The following GLDN variants were observed in gnomAD, a reference collection of about 807,000 sequenced individuals.
GLDN encodes collomin.
GLDN carries 47 observed loss-of-function variants against 56.5 expected under a neutral mutation model. The observed-to-expected ratio is 0.83, with a 90% CI of 0.66 to 1.06. The LOEUF (loss-of-function observed/expected upper bound fraction) is 1.06. Ranked by LOEUF, GLDN falls within the 50% of genes least tolerant of loss-of-function variation. The pLI, the probability that GLDN is intolerant of heterozygous loss-of-function variation, is 0.00. For synonymous variants in GLDN, 332 were observed against 278.8 expected (o/e 1.19, Z -1.90); for missense variants, 782 against 714.3 (o/e 1.09, Z -1.08).
At chr15:51,391,295 G>A (rs988863557) in intron 4 of GLDN, among the ~76,000 whole-genome samples, 1 of 152,116 alleles carries the variant, frequency 6.6e-6, no homozygotes, top group South Asian at 2.1e-4. Flanking sequence ...TGGCCTTTCC[G>A]AGAAAGAAAA....
chr15:51,394,688 C>A, intron 4 of GLDN, 147 bp from the exon 5 acceptor site: 4 of 689,246 alleles, frequency 5.8e-6, no homozygotes, highest in Middle Eastern at 2.7e-4. Flanking sequence ...AACGTATGGT[C>A]ACACTGCTGC....
intron 1 of GLDN, 66 bp from the exon 2 acceptor site, chr15:51,377,383 T>C (rs753368303): frequency 1.5e-6 from 2 of 1,330,506 alleles, no homozygotes; most frequent in Admixed American, 3.8e-5. Flanking sequence ...TCTGCTCGTC[T>C]GAATAAAGGA....
intron 4 of GLDN, among the ~76,000 whole-genome samples, chr15:51,391,316 G>A (rs2038015671): frequency 6.6e-6 from 1 of 152,144 alleles, no homozygotes; most frequent in Non-Finnish European, 1.5e-5. Context: ...GACATAAGAG[G>A]AAGAAAGAAA....
At chr15:51,377,602 A>G (rs2037662708) in intron 2 of GLDN, 102 bp downstream of exon 2, 2 of 770,012 alleles carry the variant, frequency 2.6e-6, no homozygotes, top group Non-Finnish European at 4.2e-6. Flanking sequence ...ATAAAAATAC[A>G]TGTTGGTTTA....
At chr15:51,401,782 A>T (rs748371724) in intron 9 of GLDN, 39 bp downstream of exon 9, 1 of 1,595,626 alleles carries the variant, frequency 6.3e-7, no homozygotes, top group East Asian at 2.2e-5. Flanking sequence ...CCTCTCAGGC[A>T]GCACCTGTGC....
intron 1 of GLDN, chr15:51,367,472 C>T (rs996393547): frequency 6.6e-6 from 1 of 152,244 alleles, no homozygotes; most frequent in Admixed American, 6.5e-5. Context: ...CAAACCAACA[C>T]TTGGTAATTA....
In GLDN at chr15:51,404,763, A is replaced by G; in HGVS notation, c.*9A>G. On this transcript the variant is annotated 3_prime_UTR_variant, in exon 10 of 10. Transcript: ENST00000335449. ...CTACCTTAAATCAGTGATGTGCTGC[A>G]TTCGGCTCCCTTCAGCAAATTTCAG... 1.4e-6 allele frequency: 2 copies of G among 1,426,888 alleles called. No individual in the cohort carries two copies. The highest frequency in any genetic ancestry group is 2.0e-6 in the Non-Finnish European group (2 of 1,020,096). The allele number at this position is 1,426,888 out of a possible 1,614,324, so 88.4% of individuals were successfully genotyped here.
At chr15:51,357,575 C>A (rs1395140642) in intron 1 of GLDN, among the ~76,000 whole-genome samples, 1 of 152,196 alleles carries the variant, frequency 6.6e-6, no homozygotes, top group African/African-American at 2.4e-5. Context: ...CAGCCCTCTG[C>A]GCTGGGAGCA....
At chr15:51,343,501 G>A (rs76757571) in intron 1 of GLDN, among the ~76,000 whole-genome samples, 9,923 of 152,182 alleles carry the variant, frequency 0.065, 1,086 homozygotes, top group African/African-American at 0.23. Flanking sequence ...AGAAGCTTTC[G>A]TATCCGAATT....
intron 1 of GLDN, chr15:51,377,229 T>C (rs2037651414): frequency 1.8e-6 from 1 of 562,040 alleles, no homozygotes; most frequent in Admixed American, 3.4e-5. Flanking sequence ...CAAATGAGGT[T>C]TGCAGCTCCA....
downstream of GLDN, among the ~76,000 whole-genome samples, chr15:51,410,597 G>A (rs1231710656): frequency 6.6e-6 from 1 of 152,066 alleles, no homozygotes; most frequent in African/African-American, 2.4e-5. Context: ...GATCCTAAGG[G>A]CTCTTCTTAA....
downstream of GLDN, among the ~76,000 whole-genome samples, chr15:51,411,874 C>T (rs1214049971): frequency 6.6e-6 from 1 of 152,198 alleles, no homozygotes; most frequent in Admixed American, 6.5e-5. Flanking sequence ...AATCATGCTA[C>T]CTCAAATTGT....
chr15:51,389,432 T>G (rs1443503829), intron 4 of GLDN, among the ~76,000 whole-genome samples: 1 of 152,206 alleles, frequency 6.6e-6, no homozygotes, highest in Non-Finnish European at 1.5e-5. Flanking sequence ...CAGCAGGTAC[T>G]CAGTAACTAT....
At chr15:51,350,462 C>A (rs904473117) in intron 1 of GLDN, among the ~76,000 whole-genome samples, 1 of 152,082 alleles carries the variant, frequency 6.6e-6, no homozygotes, top group Non-Finnish European at 1.5e-5. Context: ...TTTCCGTGGC[C>A]CTTCTCACTG....
At chr15:51,368,644 G>A (rs541250672) in intron 1 of GLDN, among the ~76,000 whole-genome samples, 4 of 151,900 alleles carry the variant, frequency 2.6e-5, no homozygotes, top group South Asian at 2.1e-4. Flanking sequence ...ACAAAGAAAT[G>A]TTCATGAACT....
At chr15:51,366,060 T>C (rs1052296700) in intron 1 of GLDN, among the ~76,000 whole-genome samples, 11 of 152,376 alleles carry the variant, frequency 7.2e-5, no homozygotes, top group African/African-American at 2.4e-4. Context: ...TAAATGGATT[T>C]ACAGATGCTT....
rs777551159 is a variant in GLDN, at chr15:51,404,716, T to C, written c.1618T>C (p.Tyr540His). 1.2e-6 allele frequency: 2 copies of C among 1,608,076 alleles called. No homozygotes were observed. Among genetic ancestry groups the C allele is most frequent in the South Asian group, 2.2e-5 (2 of 90,870 alleles). ...YSWEDGHLML[Y>H]PVQFLSTTLN... The stretch of plus-strand genomic sequence containing the variant: ...ATGGGAAGATGGCCATTTAATGCTT[T>C]ATCCTGTGCAGTTTTTGTCAACTAC... Residue 540 changes from tyrosine to histidine, a missense_variant, in exon 10 of 10, where the codon TAT becomes CAT. Physicochemically the swap from Tyr to His is moderately conservative, Grantham distance 83 (BLOSUM62 2). Coordinates refer to ENST00000335449, the MANE Select transcript of GLDN (RefSeq NM_181789.4).
chr15:51,410,185 G>C (rs1595847159), downstream of GLDN, among the ~76,000 whole-genome samples: 1 of 152,230 alleles, frequency 6.6e-6, no homozygotes, highest in South Asian at 2.1e-4. Flanking sequence ...TCATGCCCAA[G>C]TGGAAAAGTC....
chr15:51,381,715 C>T (rs887950451), intron 2 of GLDN, among the ~76,000 whole-genome samples: 5 of 151,960 alleles, frequency 3.3e-5, no homozygotes, highest in African/African-American at 1.2e-4. Context: ...CTACAGTCAG[C>T]TCATTTATCC....
Sources: allele counts gnomAD v4.1 joint callset (sites outside exome capture counted in the v4.1 genomes callset), GRCh38; gene constraint gnomAD v4.1.1; transcripts MANE v1.5; gene names NCBI Gene and HGNC (gene_info 2026-07-23, HGNC 2026-07-21).